The following CHN2 variants were observed in gnomAD, a reference collection of about 807,000 sequenced individuals.
The protein encoded by CHN2 is beta-chimaerin.
A neutral mutation model predicts 56.3 loss-of-function variants in CHN2; 35 were observed. The ratio of observed to expected loss-of-function variants is 0.62; its 90% CI spans 0.47 to 0.82. The LOEUF is 0.82. Ranked by LOEUF, CHN2 falls within the 40% of genes least tolerant of loss-of-function variation. CHN2 has a pLI of 0.00. For synonymous variants in CHN2, 210 were observed against 212.8 expected, an observed-to-expected ratio of 0.99 and a Z score of 0.12; for missense variants, 491 against 580.5, an observed-to-expected ratio of 0.85 and a Z score of 1.58.
chr7:29,415,607 G>A (rs1803660440), intron 6 of CHN2, among the ~76,000 whole-genome samples: 1 of 152,216 alleles, frequency 6.6e-6, no homozygotes, highest in Admixed American at 6.5e-5. Flanking sequence ...AGGCTGCGAG[G>A]AGGGAGATGG....
rs1783988667 is a variant in CHN2 at position 29,199,478 on chromosome 7, C to T, written c.49+4488C>T. 2 of 152,154 alleles carry T rather than the reference C, an allele frequency of 1.3e-5. 1 individual carries two copies. The highest frequency in any genetic ancestry group is 1.3e-4 in the Admixed American group (2 of 15,274). The allele number at this position is 152,154 out of a possible 1,614,324, so 9.4% of individuals were successfully genotyped here. The stretch of plus-strand genomic sequence containing the variant: ...GCTCGATAATTAAATTTCACATCAC[C>T]TAGACTGGCAGAAAGACTTGATTGC... On this transcript the variant is annotated intron_variant, in intron 1 of 12. Coordinates refer to ENST00000222792, the MANE Select transcript of CHN2 (RefSeq NM_004067.4).
At chr7:29,331,533 CAT>C (rs1410122406) in intron 1 of CHN2, among the ~76,000 whole-genome samples, 4 of 152,140 alleles carry the variant, frequency 2.6e-5, no homozygotes, top group Admixed American at 2.0e-4. Flanking sequence ...CCCTGCCTTC[CAT>C]TGACTGAACC....
intron 1 of CHN2, among the ~76,000 whole-genome samples, chr7:29,306,051 CGTT>C (rs1332621434): frequency 6.6e-6 from 1 of 152,090 alleles, no homozygotes; most frequent in African/African-American, 2.4e-5. Context: ...AATGCACAAT[CGTT>C]GTCAGACAAG....
At chr7:29,372,949 A>G (rs986070155) in intron 3 of CHN2, among the ~76,000 whole-genome samples, 2 of 152,234 alleles carry the variant, frequency 1.3e-5, no homozygotes, top group Admixed American at 1.3e-4. Flanking sequence ...TATAGTGAAT[A>G]TGGGATTATA....
At chr7:29,292,320 A>G (rs1417485297) in intron 1 of CHN2, among the ~76,000 whole-genome samples, 1 of 152,242 alleles carries the variant, frequency 6.6e-6, no homozygotes, top group Non-Finnish European at 1.5e-5. Flanking sequence ...CAACCTTTCA[A>G]TCCATTTACC....
chr7:29,367,026 C>T (rs1172177499), intron 2 of CHN2, among the ~76,000 whole-genome samples: 4 of 151,924 alleles, frequency 2.6e-5, no homozygotes, highest in African/African-American at 9.7e-5. Flanking sequence ...AGATTTATTC[C>T]ATTTAAAATT....
intron 2 of CHN2, among the ~76,000 whole-genome samples, chr7:29,182,115 C>T (rs1798136359): frequency 6.6e-6 from 1 of 152,146 alleles, no homozygotes; most frequent in African/African-American, 2.4e-5. Context: ...TGAGAACTAA[C>T]ACTCATTAAT....
chr7:29,294,698 G>C (rs554891632), intron 1 of CHN2, among the ~76,000 whole-genome samples: 1 of 152,352 alleles, frequency 6.6e-6, no homozygotes, highest in South Asian at 2.1e-4. Context: ...TGTACAGGTA[G>C]AAATGTCACA....
chr7:29,465,687 A>AC (rs1785499241), intron 6 of CHN2, among the ~76,000 whole-genome samples: 1 of 152,206 alleles, frequency 6.6e-6, no homozygotes, highest in African/African-American at 2.4e-5. Context: ...CATTTCTATG[A>AC]CCACAGGTTT....
intron 1 of CHN2, chr7:29,213,246 A>T: frequency 9.8e-7 from 1 of 1,022,882 alleles, no homozygotes; most frequent in South Asian, 1.3e-5. Flanking sequence ...ACTCAGTTTC[A>T]CTCTGGGTAG....
intron 1 of CHN2, among the ~76,000 whole-genome samples, chr7:29,253,754 T>C (rs1008087083): frequency 2.0e-5 from 3 of 152,246 alleles, no homozygotes; most frequent in Non-Finnish European, 4.4e-5. Flanking sequence ...AAAATTCTGG[T>C]CATGGGCAAG....
At chr7:29,170,318 CT>C (rs1467187932) in intron 2 of CHN2, among the ~76,000 whole-genome samples, 1 of 152,172 alleles carries the variant, frequency 6.6e-6, no homozygotes, top group Non-Finnish European at 1.5e-5. Flanking sequence ...AACAGTGAAT[CT>C]TCAAACACAA....
At chr7:29,420,952 G>A (rs1450462024) in intron 6 of CHN2, among the ~76,000 whole-genome samples, 3 of 151,934 alleles carry the variant, frequency 2.0e-5, no homozygotes, top group African/African-American at 7.3e-5. Flanking sequence ...TAGGATTATA[G>A]GCACCCACCA....
At position 29,483,772 on chromosome 7, in the gene CHN2, G is replaced by C; in HGVS notation, c.654+3416G>C. 1.1e-5 allele frequency: 12 copies of C among 1,138,870 alleles called. No individual in the cohort carries two copies. In the South Asian group the frequency reaches 2.1e-4, roughly 20 times the overall value. The allele number at this position is 1,138,870 out of a possible 1,614,324, so 70.5% of individuals were successfully genotyped here. ...AAAATCTTCAGGCCAGCCAACCCCA[G>C]AGGCCCGGCAGTCGGCTTGCTCGGC... On this transcript the variant is annotated intron_variant, in intron 7 of 12. Coordinates refer to ENST00000222792, the MANE Select transcript of CHN2 (RefSeq NM_004067.4).
intron 1 of CHN2, chr7:29,335,890 A>G (rs1796577221): frequency 6.6e-6 from 1 of 152,228 alleles, no homozygotes; most frequent in South Asian, 2.1e-4. Flanking sequence ...ACAAACATTT[A>G]TTGAGCACCT....
chr7:29,472,293 ACACACG>A (rs1378507685), intron 6 of CHN2, among the ~76,000 whole-genome samples: 262 of 148,364 alleles, frequency 1.8e-3, no homozygotes, highest in African/African-American at 4.7e-3. Flanking sequence ...ACACACACAC[ACACACG>A]CACACACACA....
At chr7:29,374,847 T>TCCTTCCTTCCTGCCTG (rs961509280) in intron 3 of CHN2, among the ~76,000 whole-genome samples, 1 of 145,446 alleles carries the variant, frequency 6.9e-6, no homozygotes, top group African/African-American at 2.6e-5. Flanking sequence ...CTTCCTTCCT[T>TCCTTCCTTCCTGCCTG]CCTGCCTCCC....
chr7:29,473,369 C>G (rs2128530970), intron 6 of CHN2, among the ~76,000 whole-genome samples: 1 of 151,922 alleles, frequency 6.6e-6, no homozygotes, highest in Non-Finnish European at 1.5e-5. Context: ...CATTACAATC[C>G]CCTGGAGGAT....
chr7:29,396,863 C>A (rs766273170), intron 4 of CHN2: 2 of 152,846 alleles, frequency 1.3e-5, no homozygotes, highest in Non-Finnish European at 2.9e-5. Flanking sequence ...GGTCCAGTGA[C>A]CTCACTATCA....
Sources: allele counts gnomAD v4.1 joint callset (sites outside exome capture counted in the v4.1 genomes callset), GRCh38; gene constraint gnomAD v4.1.1; transcripts MANE v1.5; gene names NCBI Gene and HGNC (gene_info 2026-07-23, HGNC 2026-07-21).